The following TOP6BL variants were observed in gnomAD, a reference collection of about 807,000 sequenced individuals.
TOP6BL encodes the protein TOP6B like initiator of meiotic double strand breaks.
the TOP6BL span, chr11:66,813,800 TG>T: frequency 6.8e-7 from 1 of 1,470,960 alleles, no homozygotes; most frequent in South Asian, 1.2e-5. Flanking sequence ...GTTGTTTGTT[TG>T]TTATACAAGT....
At chr11:66,769,558 A>C in the TOP6BL span, among the ~76,000 whole-genome samples, 1 of 151,962 alleles carries the variant, frequency 6.6e-6, no homozygotes, top group Non-Finnish European at 1.5e-5. Flanking sequence ...TACATATAGA[A>C]CTTATACAAC....
the TOP6BL span, among the ~76,000 whole-genome samples, chr11:66,807,036 A>T: frequency 2.6e-5 from 4 of 152,152 alleles, no homozygotes; most frequent in African/African-American, 9.7e-5. Context: ...CTTGGGGAAA[A>T]TTTAACAGAT....
chr11:66,839,956 C>T, the TOP6BL span, among the ~76,000 whole-genome samples: 1 of 152,078 alleles, frequency 6.6e-6, no homozygotes. Context: ...TGAGGCAGAA[C>T]GCTTAGCAGG....
At chr11:66,788,148 C>T in the TOP6BL span, 2 of 1,585,136 alleles carry the variant, frequency 1.3e-6, no homozygotes, top group East Asian at 4.5e-5. Context: ...GTTGCCATTT[C>T]TTCTCACACA....
At chr11:66,768,767 G>A in the TOP6BL span, among the ~76,000 whole-genome samples, 1 of 149,372 alleles carries the variant, frequency 6.7e-6, no homozygotes, top group African/African-American at 2.5e-5. Flanking sequence ...AAGATTTGAT[G>A]TGACAGAAGG....
chr11:66,840,474 CCT>C, the TOP6BL span, among the ~76,000 whole-genome samples: 513 of 152,242 alleles, frequency 3.4e-3, 3 homozygotes, highest in African/African-American at 0.012. Flanking sequence ...TCAGCCTTCC[CCT>C]GAGTTCCTTT....
At chr11:66,775,419 T>C in the TOP6BL span, among the ~76,000 whole-genome samples, 3 of 152,224 alleles carry the variant, frequency 2.0e-5, no homozygotes, top group Admixed American at 6.5e-5. Context: ...GTTCAAAATA[T>C]TGCCTGCTCT....
chr11:66,841,110 ATTTTTT>A, the TOP6BL span, among the ~76,000 whole-genome samples: 4 of 84,626 alleles, frequency 4.7e-5, no homozygotes, highest in East Asian at 3.8e-4. Flanking sequence ...GAGGCCTCTC[ATTTTTT>A]TTTTTTTTTT....
At chr11:66,812,799 G>C in the TOP6BL span, among the ~76,000 whole-genome samples, 1 of 152,314 alleles carries the variant, frequency 6.6e-6, no homozygotes, top group East Asian at 1.9e-4. Flanking sequence ...GTCTGGAGAC[G>C]TTTTTTATTG....
the TOP6BL span, chr11:66,828,478 T>C: frequency 1.4e-6 from 1 of 714,008 alleles, no homozygotes; most frequent in Non-Finnish European, 2.3e-6. Flanking sequence ...GAGGTCAGCC[T>C]TTCAGCAAGG....
At chr11:66,754,367 C>T in the TOP6BL span, among the ~76,000 whole-genome samples, 1 of 151,980 alleles carries the variant, frequency 6.6e-6, no homozygotes, top group Admixed American at 6.6e-5. Context: ...TTTATCTCTT[C>T]TACTTTCTAG....
chr11:66,758,302 C>CTTCTTTTTT, the TOP6BL span: 3 of 67,320 alleles, frequency 4.5e-5, no homozygotes, highest in African/African-American at 2.1e-4. Context: ...TTTTCTTTTT[C>CTTCTTTTTT]TTTTTTTTTT....
chr11:66,770,603 C>G, the TOP6BL span, among the ~76,000 whole-genome samples: 1 of 152,118 alleles, frequency 6.6e-6, no homozygotes, highest in African/African-American at 2.4e-5. Context: ...ACTTGGGAGG[C>G]TGACCCAGGA....
At chr11:66,767,012 C>A in the TOP6BL span, among the ~76,000 whole-genome samples, 1 of 151,946 alleles carries the variant, frequency 6.6e-6, no homozygotes, top group African/African-American at 2.4e-5. Context: ...ATTGATTTTT[C>A]GTTAATTCTG....
At chr11:66,823,101 C>T in the TOP6BL span, among the ~76,000 whole-genome samples, 1 of 151,914 alleles carries the variant, frequency 6.6e-6, no homozygotes, top group Admixed American at 6.6e-5. Context: ...TTGAGACCAG[C>T]CTGACCAACA....
the TOP6BL span, among the ~76,000 whole-genome samples, chr11:66,825,742 C>T: frequency 3.3e-5 from 5 of 152,132 alleles, no homozygotes; most frequent in East Asian, 1.9e-4. Flanking sequence ...GCATAGCATA[C>T]GGTAGATTCT....
chr11:66,754,330 C>G, the TOP6BL span, among the ~76,000 whole-genome samples: 1 of 151,970 alleles, frequency 6.6e-6, no homozygotes, highest in African/African-American at 2.4e-5. Context: ...GTTCTTTTTC[C>G]TTTTTAAAAT....
chr11:66,780,650 G>T, the TOP6BL span, among the ~76,000 whole-genome samples: 2 of 152,020 alleles, frequency 1.3e-5, no homozygotes, highest in African/African-American at 4.8e-5. Flanking sequence ...CGTGATCTTG[G>T]CTCACTGCAA....
the TOP6BL span, among the ~76,000 whole-genome samples, chr11:66,782,032 AT>A: frequency 1.3e-5 from 2 of 152,090 alleles, no homozygotes; most frequent in Non-Finnish European, 2.9e-5. Flanking sequence ...GTTTTTATGC[AT>A]TTTAAAGGGT....
Sources: gnomAD v4.1 joint callset for allele counts (sites outside exome capture counted in the v4.1 genomes callset) on GRCh38, gnomAD v4.1.1 for gene constraint, MANE v1.5 for transcripts, NCBI Gene and HGNC (gene_info 2026-07-23, HGNC 2026-07-21) for gene names.